MTCH2: variants seen among roughly 807,000 people sequenced by gnomAD.
MTCH2 encodes mitochondrial carrier homolog 2.
MTCH2 carries 25 observed loss-of-function variants against 50.6 expected under a neutral mutation model. That is an observed-to-expected ratio of 0.49 (90% CI 0.36 to 0.69). The LOEUF (loss-of-function observed/expected upper bound fraction) is 0.69, where lower values mean the gene tolerates loss of function less well. MTCH2 is among the 30% of genes least tolerant of loss of function. MTCH2 has a pLI of 0.00. For synonymous variants in MTCH2, 106 were observed against 132.0 expected (o/e 0.80, Z 1.35); for missense variants, 273 against 384.4 (o/e 0.71, Z 2.42).
chr11:47,607,016 C>T, the MTCH2 span, among the ~76,000 whole-genome samples: 1 of 152,216 alleles, frequency 6.6e-6, no homozygotes, highest in African/African-American at 2.4e-5. Flanking sequence ...CAGTCTCACC[C>T]TCAACACCTG....
chr11:47,622,858 C>A, intron 11 of MTCH2, 82 bp from the exon 12 acceptor site: 1 of 940,652 alleles, frequency 1.1e-6, no homozygotes, highest in Non-Finnish European at 1.6e-6. Context: ...TCAAAATATT[C>A]TGCTGCACAG....
At chr11:47,616,151 A>G (rs1352304874), downstream of MTCH2, among the ~76,000 whole-genome samples, 1 of 151,790 alleles carries the variant, frequency 6.6e-6, no homozygotes, top group East Asian at 2.0e-4. Flanking sequence ...TTCTTTAAAA[A>G]ATAGAGACAG....
the MTCH2 span, among the ~76,000 whole-genome samples, chr11:47,610,784 C>T: frequency 2.0e-5 from 3 of 152,116 alleles, no homozygotes; most frequent in African/African-American, 7.2e-5. Flanking sequence ...ACCAACTTTC[C>T]CAAGGTCTCA....
At chr11:47,613,061 C>G (rs1463339319), downstream of MTCH2, among the ~76,000 whole-genome samples, 1 of 151,952 alleles carries the variant, frequency 6.6e-6, no homozygotes, top group Non-Finnish European at 1.5e-5. Flanking sequence ...TCCACCATGC[C>G]TGGCTAATTT....
chr11:47,637,483 C>A (rs145411675), intron 3 of MTCH2, among the ~76,000 whole-genome samples: 42 of 152,104 alleles, frequency 2.8e-4, no homozygotes, highest in African/African-American at 8.9e-4. Context: ...CTGATGGTTT[C>A]TAAAACAAGC....
chr11:47,632,963 G>C (rs1332454959), intron 5 of MTCH2, among the ~76,000 whole-genome samples: 3 of 151,842 alleles, frequency 2.0e-5, no homozygotes, highest in Admixed American at 2.0e-4. Context: ...GCCTCCCAAA[G>C]TGCTGGGATT....
intron 8 of MTCH2, 30 bp from the exon 9 acceptor site, chr11:47,629,076 C>G (rs550931434): frequency 6.4e-7 from 1 of 1,558,872 alleles, no homozygotes; most frequent in African/African-American, 1.4e-5. Flanking sequence ...AAATAAGAAC[C>G]AAAAAATGTG....
chr11:47,637,379 A>T (rs1297282004), intron 3 of MTCH2, among the ~76,000 whole-genome samples: 1 of 152,198 alleles, frequency 6.6e-6, no homozygotes, highest in Non-Finnish European at 1.5e-5. Flanking sequence ...ACCAATACCA[A>T]ATTAGGGCAA....
intron 10 of MTCH2, 86 bp downstream of exon 10, chr11:47,626,994 C>T: frequency 8.2e-6 from 8 of 972,214 alleles, no homozygotes; most frequent in Non-Finnish European, 1.2e-5. Context: ...TATCTTAAAG[C>T]AGTGATGACA....
At chr11:47,634,606 G>T in intron 5 of MTCH2, 66 bp downstream of exon 5, 1 of 1,248,562 alleles carries the variant, frequency 8.0e-7, no homozygotes, top group South Asian at 1.3e-5. Flanking sequence ...TGATGATTCT[G>T]ATTCCATAGT....
At chr11:47,605,269 A>T in the MTCH2 span, among the ~76,000 whole-genome samples, 2 of 152,140 alleles carry the variant, frequency 1.3e-5, no homozygotes, top group Admixed American at 6.6e-5. Flanking sequence ...TGTAACTAAA[A>T]TAACAAGAGG....
At chr11:47,605,787 A>C in the MTCH2 span, among the ~76,000 whole-genome samples, 1 of 152,232 alleles carries the variant, frequency 6.6e-6, no homozygotes, top group Admixed American at 6.5e-5. Context: ...ACTGGAAACA[A>C]GGAACACTAT....
Position 47,618,450 on chromosome 11 carries a change from AT to A in MTCH2, c.*382del, listed in dbSNP as rs1366418509. The A allele has an allele frequency of 3.9e-6, 1 of 254,014 alleles. No individual in the cohort carries two copies. Among genetic ancestry groups the A allele is most frequent in the Non-Finnish European group, 7.6e-6 (1 of 131,878 alleles). The allele number at this position is 254,014 out of a possible 1,614,324, so 15.7% of individuals were successfully genotyped here. ...ACCTCCCATATAGTTTAATTTAGTG[AT>A]TTTGTTAAGTTTTACAAAATTATTT... is the stretch of plus-strand genomic sequence containing the variant. On this transcript the variant is annotated 3_prime_UTR_variant, in exon 13 of 13. Coordinates refer to ENST00000302503, the MANE Select transcript of MTCH2 (RefSeq NM_014342.4).
rs761296820 is a variant in MTCH2 at position 47,628,927 on chromosome 11, C to A, written c.633+26G>T. The A allele has an allele frequency of 1.4e-5, 23 of 1,592,680 alleles. 1 individual carries two copies. The South Asian group carries it at 2.4e-4, about 17-fold the overall frequency. ...GCTGCCAGATTAAAGCCAAGGTGAG[C>A]ACATCTCACGAAGGTCACAACCTAC... On this transcript the variant is annotated intron_variant, in intron 9 of 12. Coordinates refer to ENST00000302503, the MANE Select transcript of MTCH2 (RefSeq NM_014342.4).
chr11:47,625,564 C>T, intron 11 of MTCH2, 110 bp downstream of exon 11: 1 of 786,988 alleles, frequency 1.3e-6, no homozygotes, highest in Non-Finnish European at 2.0e-6. Flanking sequence ...AAAAAAATAC[C>T]AATCAGAGAT....
chr11:47,638,308 T>A (rs965794510), intron 3 of MTCH2, among the ~76,000 whole-genome samples: 1 of 146,010 alleles, frequency 6.8e-6, no homozygotes, highest in Non-Finnish European at 1.5e-5. Context: ...ATGCTTGTAA[T>A]CCCAGCACTT....
In MTCH2 at chr11:47,626,356, T is replaced by C. The variant is rs543034912; in HGVS notation, c.682-615A>G. On this transcript the variant is annotated intron_variant, in intron 10 of 12. Transcript: ENST00000302503. The stretch of plus-strand genomic sequence containing the variant: ...CTTTTTTTTTTTTTTTTCACTTTTG[T>C]AGAAATGGGGTCTTGCTCAGTTGCC... 5.3e-5 allele frequency among the ~76,000 whole-genome samples: 8 copies of C among 149,578 alleles called. No homozygotes were observed. In the East Asian group the frequency reaches 1.6e-3, roughly 30 times the overall value.
At position 47,638,825 on chromosome 11, in the gene MTCH2, A is replaced by G. The variant is rs572077220; in HGVS notation, c.173-20T>C. On this transcript the variant is annotated intron_variant, in intron 2 of 12. Coordinates refer to ENST00000302503, the MANE Select transcript of MTCH2 (RefSeq NM_014342.4). ...GCTGAGCTAAGAACACAAGTCAGAG[A>G]TGTTGTCAAGTTCTGGTCAAGAGAA... The G allele has an allele frequency of 2.0e-5, 33 of 1,610,820 alleles. No individual in the cohort carries two copies. The South Asian group carries it at 2.6e-4, about 13-fold the overall frequency.
Position 47,626,245 on chromosome 11 carries a change from C to A in MTCH2, c.682-504G>T, listed in dbSNP as rs184414943. ...AGTTTTAGTAGAGATGAGATTTCTC[C>A]AAATTGGCCAAGGTGGTGTCGAACT... On this transcript the variant is annotated intron_variant, in intron 10 of 12. Coordinates refer to ENST00000302503, the MANE Select transcript of MTCH2 (RefSeq NM_014342.4). 1.9e-3 allele frequency among the ~76,000 whole-genome samples: 288 copies of A among 151,980 alleles called. 1 individual carries two copies. Among genetic ancestry groups the A allele is most frequent in the Middle Eastern group, 0.014 (4 of 294 alleles).
Sources: allele counts gnomAD v4.1 joint callset (sites outside exome capture counted in the v4.1 genomes callset), GRCh38; gene constraint gnomAD v4.1.1; transcripts MANE v1.5; gene names NCBI Gene and HGNC (gene_info 2026-07-23, HGNC 2026-07-21).